The following GRIN2B variants were observed in gnomAD, a reference collection of about 807,000 sequenced individuals.
GRIN2B encodes glutamate ionotropic receptor NMDA type subunit 2B.
Under a neutral mutation model 114.5 loss-of-function variants are expected in GRIN2B, and 5 were observed. The observed-to-expected ratio is 0.04, with a 90% CI of 0.02 to 0.09. The LOEUF is 0.09. Among genes scored for constraint, GRIN2B ranks in the 10% least tolerant of loss-of-function variants. GRIN2B has a pLI of 1.00. For synonymous variants in GRIN2B, 787 were observed against 745.1 expected (o/e 1.06, Z -0.92); for missense variants, 1,108 against 1,943.5 (o/e 0.57, Z 8.08).
At chr12:13,743,931 A>C (rs1863327962) in intron 4 of GRIN2B, among the ~76,000 whole-genome samples, 1 of 152,202 alleles carries the variant, frequency 6.6e-6, no homozygotes, top group South Asian at 2.1e-4. Context: ...AATTGTGAAA[A>C]GGACCACTTA....
Position 13,615,474 on chromosome 12 carries a change from A to T in GRIN2B, c.1500+19T>A, listed in dbSNP as rs773479181. ...AATAAATGAAAATGGAAATGGAAACAGCCCTTGTGGACACTCACCTCTCCA... is the reference window on the plus strand; with the variant it reads ...AATAAATGAAAATGGAAATGGAAACTGCCCTTGTGGACACTCACCTCTCCA... On this transcript the variant is annotated intron_variant, in intron 7 of 13. Coordinates refer to ENST00000609686, the MANE Select transcript of GRIN2B (RefSeq NM_000834.5). This position sits in a 1 kb window ranked among gnomAD's most constrained non-coding sequence, Gnocchi z 5.8. 6.2e-6 allele frequency: 10 copies of T among 1,600,622 alleles called. No homozygotes were observed. In the East Asian group the frequency reaches 2.2e-4, roughly 36 times the overall value.
chr12:13,866,827 T>C lies in GRIN2B; in HGVS notation c.-18-601A>G, dbSNP rs1035789542. On this transcript the variant is annotated intron_variant, in intron 2 of 13. Coordinates refer to ENST00000609686, the MANE Select transcript of GRIN2B (RefSeq NM_000834.5). Reference sequence around the variant, plus strand: ...ACAAGAACAACTGATACATGACTAGTAGTTTTAAAACATTGCCTCAATTGA... The same window carrying C: ...ACAAGAACAACTGATACATGACTAGCAGTTTTAAAACATTGCCTCAATTGA... 7.2e-5 allele frequency among the ~76,000 whole-genome samples: 11 copies of C among 152,206 alleles called. 1 individual carries two copies. Among genetic ancestry groups the C allele is most frequent in the Non-Finnish European group, 2.9e-5 (2 of 68,022 alleles).
chr12:13,949,833 T>G (rs1291205273), intron 2 of GRIN2B, among the ~76,000 whole-genome samples: 1 of 152,172 alleles, frequency 6.6e-6, no homozygotes, highest in East Asian at 1.9e-4. Context: ...TGTACTGTGT[T>G]TGCAGTACAG....
intron 3 of GRIN2B, among the ~76,000 whole-genome samples, chr12:13,838,341 A>T (rs116779916): frequency 0.011 from 1,698 of 152,014 alleles, 35 homozygotes; most frequent in African/African-American, 0.038. Flanking sequence ...TGAGGAAAAA[A>T]CCCTAGTCTA....
intron 4 of GRIN2B, among the ~76,000 whole-genome samples, chr12:13,710,054 G>T (rs1474547742): frequency 6.6e-6 from 1 of 151,906 alleles, no homozygotes; most frequent in African/African-American, 2.4e-5. Context: ...AATAAATTCT[G>T]TTATATTCAT....
intron 3 of GRIN2B, among the ~76,000 whole-genome samples, chr12:13,810,166 T>G (rs1864699582): frequency 6.6e-6 from 1 of 151,726 alleles, no homozygotes; most frequent in Admixed American, 6.6e-5. Flanking sequence ...CCAATATTCT[T>G]TATTCTCTTA....
intron 4 of GRIN2B, among the ~76,000 whole-genome samples, chr12:13,700,994 G>T (rs1950306745): frequency 6.6e-6 from 1 of 152,092 alleles, no homozygotes; most frequent in Non-Finnish European, 1.5e-5. Flanking sequence ...ATTCAGCAAG[G>T]CTGGGGAGGT....
intron 10 of GRIN2B, among the ~76,000 whole-genome samples, chr12:13,596,794 T>A (rs1336887875): frequency 6.6e-6 from 1 of 152,240 alleles, no homozygotes; most frequent in African/African-American, 2.4e-5. Flanking sequence ...GAACAAGGTC[T>A]CTTCAAGGTT....
At chr12:13,912,717 G>A (rs994389971) in intron 2 of GRIN2B, among the ~76,000 whole-genome samples, 5 of 152,134 alleles carry the variant, frequency 3.3e-5, no homozygotes, top group Non-Finnish European at 7.4e-5. Context: ...ACCTTTAAGA[G>A]TCTCAGTTTC....
At chr12:13,881,023 C>T (rs964299811) in intron 2 of GRIN2B, among the ~76,000 whole-genome samples, 57 of 149,540 alleles carry the variant, frequency 3.8e-4, no homozygotes, top group African/African-American at 9.2e-4. Context: ...TGCGCGTGCG[C>T]GCACGCATGT....
chr12:13,758,951 T>C (rs1403588909), intron 3 of GRIN2B, among the ~76,000 whole-genome samples: 1 of 150,908 alleles, frequency 6.6e-6, no homozygotes. Context: ...TTTTATTTAC[T>C]GGGTGGGAGA....
At chr12:13,794,274 A>G (rs781022374) in intron 3 of GRIN2B, among the ~76,000 whole-genome samples, 75 of 152,118 alleles carry the variant, frequency 4.9e-4, no homozygotes, top group Non-Finnish European at 9.6e-4. Flanking sequence ...AGAAAGCATA[A>G]GAAAAGTTAA....
At chr12:13,920,167 G>A (rs1422877571) in intron 2 of GRIN2B, among the ~76,000 whole-genome samples, 4 of 151,450 alleles carry the variant, frequency 2.6e-5, no homozygotes, top group African/African-American at 9.7e-5. Context: ...AGGAGGCTGA[G>A]GCAGGAGGAT....
intron 2 of GRIN2B, among the ~76,000 whole-genome samples, chr12:13,953,252 C>A (rs1442980262): frequency 6.6e-6 from 1 of 152,082 alleles, no homozygotes; most frequent in Non-Finnish European, 1.5e-5. Flanking sequence ...TCTGACCTGG[C>A]CTCAGAAGTC....
chr12:13,576,287 C>G (rs1206744715), intron 10 of GRIN2B, among the ~76,000 whole-genome samples: 1 of 152,114 alleles, frequency 6.6e-6, no homozygotes, highest in Non-Finnish European at 1.5e-5. Context: ...AGAAAATGCC[C>G]TTGTAATAAA....
At chr12:13,659,286 A>G (rs981686163) in intron 5 of GRIN2B, among the ~76,000 whole-genome samples, 2 of 152,190 alleles carry the variant, frequency 1.3e-5, no homozygotes, top group Non-Finnish European at 2.9e-5. Flanking sequence ...TCAATTCTTC[A>G]GTGGTCATTG....
intron 2 of GRIN2B, among the ~76,000 whole-genome samples, chr12:13,870,955 A>G (rs1358113001): frequency 6.6e-6 from 1 of 152,218 alleles, no homozygotes; most frequent in Non-Finnish European, 1.5e-5. Flanking sequence ...TCAAGACAAA[A>G]TAAAATTCAA....
intron 2 of GRIN2B, among the ~76,000 whole-genome samples, chr12:13,957,115 C>T (rs1867605702): frequency 6.6e-6 from 1 of 152,198 alleles, no homozygotes; most frequent in African/African-American, 2.4e-5. Context: ...GGTCAGGCCA[C>T]ACCATGCCAT....
At chr12:13,793,944 G>C (rs1291922933) in intron 3 of GRIN2B, among the ~76,000 whole-genome samples, 1 of 147,194 alleles carries the variant, frequency 6.8e-6, no homozygotes, top group East Asian at 2.0e-4. Context: ...GCTCACACCT[G>C]TAATCCCAGC....
Sources: gnomAD v4.1 joint callset for allele counts (sites outside exome capture counted in the v4.1 genomes callset) on GRCh38, gnomAD v4.1.1 for gene constraint, Gnocchi (gnomAD v3.1) non-coding constraint, MANE v1.5 for transcripts, NCBI Gene and HGNC (gene_info 2026-07-23, HGNC 2026-07-21) for gene names.